TNIK: variants seen among roughly 807,000 people sequenced by gnomAD.
TNIK encodes TRAF2 and NCK interacting kinase, also known as TRAF2 and NCK-interacting protein kinase.
Under a neutral mutation model 191.3 loss-of-function variants are expected in TNIK, and 49 were observed. The ratio of observed to expected loss-of-function variants is 0.26; its 90% CI spans 0.20 to 0.32. The LOEUF is 0.32. Ranked by LOEUF, TNIK falls within the 10% of genes least tolerant of loss-of-function variation. The pLI is 1.00. For synonymous variants in TNIK, 594 were observed against 600.9 expected (o/e 0.99, Z 0.17); for missense variants, 1,155 against 1,702.3 (o/e 0.68, Z 5.66).
intron 2 of TNIK, chr3:171,347,281 G>C: frequency 6.8e-7 from 1 of 1,479,218 alleles, no homozygotes. Context: ...CAAACACATA[G>C]AGCACACTCT....
intron 9 of TNIK, among the ~76,000 whole-genome samples, chr3:171,168,561 T>A (rs186804200): frequency 1.3e-5 from 2 of 152,356 alleles, no homozygotes; most frequent in East Asian, 3.9e-4. Flanking sequence ...TCCATGTTTT[T>A]AAAGTACTGA....
At chr3:171,164,054 A>T (rs1734315659) in intron 10 of TNIK, among the ~76,000 whole-genome samples, 1 of 152,238 alleles carries the variant, frequency 6.6e-6, no homozygotes, top group African/African-American at 2.4e-5. Context: ...ATCAAACACC[A>T]TTCCTTGGGG....
intron 2 of TNIK, among the ~76,000 whole-genome samples, chr3:171,270,509 C>A (rs1301028884): frequency 6.6e-6 from 1 of 152,172 alleles, no homozygotes; most frequent in Non-Finnish European, 1.5e-5. Context: ...TGAGGCATTC[C>A]CACCTAAATA....
At chr3:171,458,738 T>C (rs1409313521) in intron 1 of TNIK, among the ~76,000 whole-genome samples, 1 of 152,340 alleles carries the variant, frequency 6.6e-6, no homozygotes, top group Non-Finnish European at 1.5e-5. Context: ...TGAACTTCCA[T>C]GCTTCATCCA....
intron 30 of TNIK, 75 bp from the exon 31 acceptor site, chr3:171,066,810 CAA>C: frequency 6.7e-7 from 1 of 1,483,290 alleles, no homozygotes; most frequent in Non-Finnish European, 9.0e-7. Context: ...CTAACAACTG[CAA>C]AAAAGAGGTT....
intron 4 of TNIK, among the ~76,000 whole-genome samples, chr3:171,205,564 A>C (rs962761390): frequency 6.6e-6 from 1 of 152,204 alleles, no homozygotes; most frequent in Non-Finnish European, 1.5e-5. Flanking sequence ...CACTACTTGC[A>C]GATCCCCCCT....
intron 24 of TNIK, among the ~76,000 whole-genome samples, chr3:171,087,018 G>A (rs1341903493): frequency 6.6e-6 from 1 of 152,142 alleles, no homozygotes; most frequent in Non-Finnish European, 1.5e-5. Flanking sequence ...GTAGCCTGAA[G>A]TTTCCATCAG....
chr3:171,099,331 A>ACTTCAACT (rs1350829172), intron 22 of TNIK, among the ~76,000 whole-genome samples: 1 of 151,722 alleles, frequency 6.6e-6, no homozygotes, highest in Admixed American at 6.6e-5. Context: ...CTGTGTCTTT[A>ACTTCAACT]CTTCAACTCT....
At position 171,460,261 on chromosome 3, in the gene TNIK, A is replaced by G; in HGVS notation, c.-198T>C. The G allele has an allele frequency of 1.5e-6, 1 of 664,790 alleles. No homozygotes were observed. Among genetic ancestry groups the G allele is most frequent in the Non-Finnish European group, 2.5e-6 (1 of 392,410 alleles). 41.2% of individuals were successfully genotyped at this position (664,790 alleles called of 1,614,324 possible). A position where few individuals can be genotyped will look rare whatever the true frequency, so the allele number is the denominator to read the frequency against. On this transcript the variant is annotated 5_prime_UTR_variant, in exon 1 of 33. Coordinates refer to ENST00000436636, the MANE Select transcript of TNIK (RefSeq NM_015028.4). The surrounding 1 kb of genome is among the most constrained non-coding windows in gnomAD (Gnocchi z 6.8). ...GTCGGTCCGCCGGGTCCGGGAGCCCAGCCTGCGCGGATCTCCAAGCCCCGA... is the reference window on the plus strand; with the variant it reads ...GTCGGTCCGCCGGGTCCGGGAGCCCGGCCTGCGCGGATCTCCAAGCCCCGA...
intron 2 of TNIK, among the ~76,000 whole-genome samples, chr3:171,322,845 T>C (rs1191508121): frequency 4.6e-5 from 7 of 150,990 alleles, no homozygotes; most frequent in African/African-American, 7.3e-5. Flanking sequence ...TTTTCTTTTT[T>C]TTTTTTTTTT....
At chr3:171,255,961 G>A (rs149862018) in intron 2 of TNIK, among the ~76,000 whole-genome samples, 153 of 152,250 alleles carry the variant, frequency 1.0e-3, no homozygotes, top group Middle Eastern at 3.4e-3. Context: ...TTCTCCAGGA[G>A]GAACTCAAAG....
intron 2 of TNIK, among the ~76,000 whole-genome samples, chr3:171,345,633 C>CCA (rs1712042966): frequency 6.6e-6 from 1 of 152,050 alleles, no homozygotes; most frequent in Non-Finnish European, 1.5e-5. Context: ...GCTATTTGCA[C>CCA]CACATCAGCA....
chr3:171,264,417 C>T (rs1748123751), intron 2 of TNIK, among the ~76,000 whole-genome samples: 2 of 151,968 alleles, frequency 1.3e-5, no homozygotes, highest in Admixed American at 1.3e-4. Context: ...TGCAATGGTG[C>T]TATCTCGGCT....
chr3:171,312,882 G>C lies in TNIK; in HGVS notation c.123+56738C>G, dbSNP rs534179103. 8.5e-5 allele frequency among the ~76,000 whole-genome samples: 13 copies of C among 152,158 alleles called. No individual in the cohort carries two copies. In the South Asian group the frequency reaches 2.7e-3, roughly 32 times the overall value. ...GCTCTCACACAGGGCACCTCCTTGA[G>C]TATTCATGGCAATTACTGATGCTTA... On this transcript the variant is annotated intron_variant, in intron 2 of 32. Coordinates refer to ENST00000436636, the MANE Select transcript of TNIK (RefSeq NM_015028.4).
intron 2 of TNIK, among the ~76,000 whole-genome samples, chr3:171,297,475 C>A (rs1752430518): frequency 6.6e-6 from 1 of 152,154 alleles, no homozygotes; most frequent in Non-Finnish European, 1.5e-5. Context: ...ACTTTATTGG[C>A]AACTCCTGTC....
chr3:171,321,191 A>G (rs1444571803), intron 2 of TNIK, among the ~76,000 whole-genome samples: 1 of 152,244 alleles, frequency 6.6e-6, no homozygotes, highest in African/African-American at 2.4e-5. Flanking sequence ...AAAAGCACTC[A>G]ATCACAACTG....
chr3:171,314,150 T>C (rs1754343954), intron 2 of TNIK, among the ~76,000 whole-genome samples: 1 of 152,208 alleles, frequency 6.6e-6, no homozygotes, highest in African/African-American at 2.4e-5. Flanking sequence ...GAGGTGAGGA[T>C]GGCTATGCTT....
intron 3 of TNIK, among the ~76,000 whole-genome samples, chr3:171,220,516 T>A (rs900072183): frequency 2.0e-5 from 3 of 151,704 alleles, no homozygotes; most frequent in African/African-American, 7.3e-5. Flanking sequence ...CCTAGTGAAG[T>A]CAAAAGAGGG....
chr3:171,293,399 G>C (rs180972580), intron 2 of TNIK, among the ~76,000 whole-genome samples: 49 of 152,322 alleles, frequency 3.2e-4, no homozygotes, highest in African/African-American at 1.1e-3. Context: ...CCAAGGGTAG[G>C]ATGTGCACCA....
Sources: gnomAD v4.1 joint callset for allele counts (sites outside exome capture counted in the v4.1 genomes callset) on GRCh38, gnomAD v4.1.1 for gene constraint, Gnocchi (gnomAD v3.1) non-coding constraint, MANE v1.5 for transcripts, NCBI Gene and HGNC (gene_info 2026-07-23, HGNC 2026-07-21) for gene names.